Variants in CLUL1 observed in about 807,000 individuals in gnomAD.
CLUL1 encodes the protein clusterin like 1, also known as clusterin-like protein 1.
Under a neutral mutation model 49.4 loss-of-function variants are expected in CLUL1, and 43 were observed. The observed-to-expected ratio is 0.87, with a 90% CI of 0.68 to 1.12. CLUL1 has a LOEUF of 1.12. Among genes scored for constraint, CLUL1 ranks in the 50% most tolerant of loss-of-function variants. The pLI, the probability that CLUL1 is intolerant of heterozygous loss-of-function variation, is 0.00. For missense variants in CLUL1, 486 were observed against 544.4 expected (o/e 0.89, Z 1.07); for synonymous variants, 192 against 184.9 (o/e 1.04, Z -0.31).
chr18:621,450 A>C (rs925739289), intron 4 of CLUL1, among the ~76,000 whole-genome samples: 2 of 152,206 alleles, frequency 1.3e-5, no homozygotes, highest in East Asian at 1.9e-4. Context: ...GGAAAGGAGA[A>C]TGCCTGACCA....
intron 9 of CLUL1, among the ~76,000 whole-genome samples, chr18:646,495 TAGACAC>T (rs1258212215): frequency 2.6e-5 from 2 of 77,930 alleles, no homozygotes; most frequent in African/African-American, 1.1e-4. Flanking sequence ...GACAGATAGA[TAGACAC>T]ACACACACAC....
At position 633,228 on chromosome 18, in the gene CLUL1, G is replaced by A. The variant is rs937450572; in HGVS notation, c.857-70G>A. 6.9e-6 allele frequency: 9 copies of A among 1,313,262 alleles called. No individual in the cohort carries two copies. In the African/African-American group the frequency reaches 7.4e-5, roughly 11 times the overall value. 81.4% of individuals were successfully genotyped at this position (1,313,262 alleles called of 1,614,324 possible). ...GAAAGCACTGGTAAGAAAAAGCTGC[G>A]GCATTGTCTCCACTTCTTCAAAGTG... On this transcript the variant is annotated intron_variant, in intron 6 of 9. Coordinates refer to ENST00000692774, the MANE Select transcript of CLUL1 (RefSeq NM_001393344.1).
intron 1 of CLUL1, among the ~76,000 whole-genome samples, chr18:598,997 G>A (rs535373638): frequency 6.6e-6 from 1 of 152,258 alleles, no homozygotes; most frequent in Admixed American, 6.5e-5. Context: ...TTAGAGAAAT[G>A]AGTACAATTA....
At chr18:619,702 GTTTTTGT>G (rs1212375868) in intron 4 of CLUL1, among the ~76,000 whole-genome samples, 8 of 151,754 alleles carry the variant, frequency 5.3e-5, no homozygotes, top group East Asian at 1.9e-4. Context: ...GGTCTCCAGA[GTTTTTGT>G]TTTTTGTTTT....
At chr18:635,870 G>A (rs2074121477) in intron 7 of CLUL1, among the ~76,000 whole-genome samples, 1 of 152,120 alleles carries the variant, frequency 6.6e-6, no homozygotes, top group Non-Finnish European at 1.5e-5. Context: ...CTGAGTAGCT[G>A]GGATTACAGG....
intron 1 of CLUL1, among the ~76,000 whole-genome samples, chr18:599,873 G>A (rs112309516): frequency 0.12 from 17,762 of 151,752 alleles, 1,433 homozygotes; most frequent in Middle Eastern, 0.24. Context: ...GTGTGAACCC[G>A]GGAGGCGGAG....
At chr18:623,364 G>T (rs1054416933) in intron 4 of CLUL1, among the ~76,000 whole-genome samples, 1 of 152,144 alleles carries the variant, frequency 6.6e-6, no homozygotes, top group African/African-American at 2.4e-5. Flanking sequence ...GTAAGATTCA[G>T]CCAGGTGAGG....
intron 2 of CLUL1, among the ~76,000 whole-genome samples, chr18:610,315 T>C (rs924964203): frequency 1.3e-5 from 2 of 152,214 alleles, no homozygotes; most frequent in Admixed American, 6.5e-5. Flanking sequence ...TGTGGGCCTT[T>C]ATAATGCACG....
intron 7 of CLUL1, among the ~76,000 whole-genome samples, chr18:636,479 C>CT (rs1275411138): frequency 6.6e-6 from 1 of 152,052 alleles, no homozygotes; most frequent in African/African-American, 2.4e-5. Flanking sequence ...CATCTATATG[C>CT]TTTGCAACTC....
At chr18:609,556 G>A (rs751076425) in intron 2 of CLUL1, among the ~76,000 whole-genome samples, 1 of 152,104 alleles carries the variant, frequency 6.6e-6, no homozygotes, top group Non-Finnish European at 1.5e-5. Flanking sequence ...AGGCATGGTG[G>A]CTCATGGCTG....
intron 6 of CLUL1, among the ~76,000 whole-genome samples, chr18:628,016 G>A (rs1312812920): frequency 2.0e-5 from 3 of 152,126 alleles, no homozygotes; most frequent in Non-Finnish European, 4.4e-5. Context: ...AGTAGAGACG[G>A]GGGTGTCAGT....
chr18:647,407 TG>T (rs1277836372), intron 9 of CLUL1, among the ~76,000 whole-genome samples: 1 of 152,006 alleles, frequency 6.6e-6, no homozygotes, highest in Admixed American at 6.6e-5. Flanking sequence ...CTAAAAGAAA[TG>T]GATGGATACC....
chr18:609,776 A>C (rs1455833526), intron 2 of CLUL1, among the ~76,000 whole-genome samples: 1 of 150,694 alleles, frequency 6.6e-6, no homozygotes, highest in Non-Finnish European at 1.5e-5. Context: ...GAGAGCAGAG[A>C]TCACTCCATT....
chr18:626,899 GAA>G (rs371146115), intron 5 of CLUL1, among the ~76,000 whole-genome samples, 196 bp from the exon 6 acceptor site: 31 of 528 alleles, frequency 0.059, 3 homozygotes, highest in East Asian at 1. Flanking sequence ...AAGAAAGAAA[GAA>G]AGAAAGAAAG....
At position 624,943 on chromosome 18, in the gene CLUL1, T is replaced by C; in HGVS notation, c.334T>C (p.Ser112Pro). ...ERLCRESLADSWGECRSCLEN... is the reference protein window; with the variant it reads ...ERLCRESLADPWGECRSCLEN... Reference sequence around the variant, plus strand: ...GCTATGCCGGGAGTCTTTGGCAGATTCCTGGGGTGAATGCAGGTCTTGCCT... The same window carrying C: ...GCTATGCCGGGAGTCTTTGGCAGATCCCTGGGGTGAATGCAGGTCTTGCCT... Residue 112 changes from serine (S) to proline (P), a missense_variant, in exon 5 of 10, where the codon TCC becomes CCC. Ser to Pro is a moderately conservative substitution (Grantham distance 74). Transcript: ENST00000692774. The C allele has an allele frequency of 6.2e-7, 1 of 1,614,180 alleles. No individual in the cohort carries two copies. The highest frequency in any genetic ancestry group is 1.3e-5 in the African/African-American group (1 of 75,044).
chr18:613,058 G>C (rs1241687311), intron 2 of CLUL1: 4 of 332,358 alleles, frequency 1.2e-5, no homozygotes, highest in African/African-American at 2.2e-5. Context: ...ATTCAAACTA[G>C]ATCTTTTTCA....
intron 8 of CLUL1, among the ~76,000 whole-genome samples, chr18:644,251 C>T (rs1399725661): frequency 6.6e-6 from 1 of 152,156 alleles, no homozygotes; most frequent in Non-Finnish European, 1.5e-5. Context: ...CATCAAGTTG[C>T]GTATCAGTTC....
chr18:646,497 GACACACACACACACAC>G (rs56076402), intron 9 of CLUL1, among the ~76,000 whole-genome samples: 136 of 141,364 alleles, frequency 9.6e-4, no homozygotes, highest in African/African-American at 3.2e-3. Context: ...CAGATAGATA[GACACACACACACACAC>G]ACACACACAC....
rs1276905081 is a variant in CLUL1 at position 607,039 on chromosome 18, C to T, written c.-74C>T. On this transcript the variant is annotated 5_prime_UTR_variant, in exon 2 of 10. Coordinates refer to ENST00000692774, the MANE Select transcript of CLUL1 (RefSeq NM_001393344.1). ...TGGCATGTTCATAGCTCACTGAAGC[C>T]TCAAATTCCTGGGTTCAAGTGACCC... 1 of 701,534 alleles carries T rather than the reference C, an allele frequency of 1.4e-6. No homozygotes were observed. Among genetic ancestry groups the T allele is most frequent in the Admixed American group, 2.0e-5 (1 of 49,938 alleles). 43.5% of individuals were successfully genotyped at this position (701,534 alleles called of 1,614,324 possible). A position where few individuals can be genotyped will look rare whatever the true frequency, so the allele number is the denominator to read the frequency against.
Sources: allele counts gnomAD v4.1 joint callset (sites outside exome capture counted in the v4.1 genomes callset), GRCh38; gene constraint gnomAD v4.1.1; transcripts MANE v1.5; gene names NCBI Gene and HGNC (gene_info 2026-07-23, HGNC 2026-07-21).